PCDH11X: variants seen among roughly 807,000 people sequenced by gnomAD.
PCDH11X encodes protocadherin-11 X-linked.
In PCDH11X, 18 loss-of-function variants were observed where a neutral mutation model predicts 53.3. The ratio of observed to expected loss-of-function variants is 0.34; its 90% CI spans 0.23 to 0.50. The LOEUF (loss-of-function observed/expected upper bound fraction) is 0.50, where lower values mean the gene tolerates loss of function less well. Ranked by LOEUF, PCDH11X falls within the 20% of genes least tolerant of loss-of-function variation. The probability of loss-of-function intolerance (pLI) is 0.98; values close to 1 mark genes in which losing one functional copy is unlikely to be tolerated. For missense variants in PCDH11X, 570 were observed against 1,032.4 expected, an observed-to-expected ratio of 0.55 and a Z score of 6.14; for synonymous variants, 279 against 393.3, an observed-to-expected ratio of 0.71 and a Z score of 3.44.
At chrX:91,994,144 T>C (rs1251289146) in intron 6 of PCDH11X, among the ~76,000 whole-genome samples, 1 of 95,101 alleles carries the variant, frequency 1.1e-5, no homozygotes, top group Non-Finnish European at 2.1e-5. Flanking sequence ...GTGAAATGAT[T>C]ACCACAGTAA....
chrX:92,367,768 T>C lies in PCDH11X; in HGVS notation c.3145-19967T>C, dbSNP rs142188278. ...TTTCACTTTTGAAGCTTAGTTTGGC[T>C]GGATATGAAATTCTGCATTGAAAAT... On this transcript the variant is annotated intron_variant, in intron 8 of 10. Coordinates refer to ENST00000682573, the MANE Select transcript of PCDH11X (RefSeq NM_032968.5). 2.8e-3 allele frequency among the ~76,000 whole-genome samples: 315 copies of C among 111,895 alleles called. 6 individuals carry two copies. In the East Asian group the frequency reaches 0.054, roughly 19 times the overall value.
In PCDH11X at chrX:91,868,042, G is replaced by A. The variant is rs185566489; in HGVS notation, c.541-8739G>A. Among the ~76,000 whole-genome samples, 12 of 110,476 alleles carry A rather than the reference G, an allele frequency of 1.1e-4. No homozygotes were observed. The East Asian group carries it at 3.5e-3, about 32-fold the overall frequency. Reference sequence around the variant, plus strand: ...AAAAACCAGGTCACTGAGAAATCTGGGACTTTCATTCATATATGTGTCCAA... The same window carrying A: ...AAAAACCAGGTCACTGAGAAATCTGAGACTTTCATTCATATATGTGTCCAA... On this transcript the variant is annotated intron_variant, in intron 5 of 10. Coordinates refer to ENST00000682573, the MANE Select transcript of PCDH11X (RefSeq NM_032968.5).
At chrX:92,565,939 A>T (rs1921420764) in intron 10 of PCDH11X, among the ~76,000 whole-genome samples, 1 of 107,139 alleles carries the variant, frequency 9.3e-6, no homozygotes, top group South Asian at 4.2e-4. Flanking sequence ...TACAAAAATT[A>T]AAAATTTTGA....
chrX:92,456,160 G>A (rs2072904380), intron 9 of PCDH11X, among the ~76,000 whole-genome samples: 2 of 111,597 alleles, frequency 1.8e-5, no homozygotes, highest in African/African-American at 6.5e-5. Context: ...TTTTCATCAT[G>A]GGACATGATA....
At chrX:92,293,694 T>G (rs2068548002) in intron 8 of PCDH11X, among the ~76,000 whole-genome samples, 2 of 110,753 alleles carry the variant, frequency 1.8e-5, no homozygotes, top group Admixed American at 1.9e-4. Context: ...AAGCACATCT[T>G]TGTCTCTTCT....
chrX:92,074,778 A>C (rs1191619761), intron 6 of PCDH11X, among the ~76,000 whole-genome samples: 5 of 112,278 alleles, frequency 4.5e-5, no homozygotes, highest in Non-Finnish European at 9.4e-5. Context: ...ATGAGTAATG[A>C]ATCGTTTATT....
chrX:91,867,829 C>A (rs1207148625), intron 5 of PCDH11X, among the ~76,000 whole-genome samples: 1 of 111,608 alleles, frequency 9.0e-6, no homozygotes, highest in Non-Finnish European at 1.9e-5. Context: ...TAGTTAAAAT[C>A]CAGATTTATA....
intron 8 of PCDH11X, chrX:92,287,896 G>A (rs1207848389): frequency 2.2e-5 from 11 of 504,808 alleles, no homozygotes; most frequent in Admixed American, 5.4e-5. Context: ...TTGTTCTTAC[G>A]AGATCTGGTT....
At chrX:92,264,718 T>C (rs142616371) in intron 8 of PCDH11X, among the ~76,000 whole-genome samples, 6,538 of 110,229 alleles carry the variant, frequency 0.059, 416 homozygotes, top group African/African-American at 0.18. Context: ...AATAAGGACA[T>C]GTCTTTGTTT....
intron 7 of PCDH11X, among the ~76,000 whole-genome samples, chrX:92,236,315 G>T (rs1436122619): frequency 9.0e-6 from 1 of 111,199 alleles, no homozygotes; most frequent in Non-Finnish European, 1.9e-5. Flanking sequence ...TTTTTTTAAT[G>T]AAAAATAATT....
intron 6 of PCDH11X, among the ~76,000 whole-genome samples, chrX:92,112,532 C>T (rs751024847): frequency 9.1e-6 from 1 of 109,666 alleles, no homozygotes; most frequent in South Asian, 3.8e-4. Flanking sequence ...TTTCAATAGG[C>T]ATGTTCACTT....
At chrX:92,352,504 T>G (rs2070078561) in intron 8 of PCDH11X, among the ~76,000 whole-genome samples, 1 of 111,768 alleles carries the variant, frequency 8.9e-6, no homozygotes, top group African/African-American at 3.3e-5. Flanking sequence ...GGATTTCTTC[T>G]TAGTTTGGAT....
intron 8 of PCDH11X, among the ~76,000 whole-genome samples, chrX:92,366,063 G>T (rs1035925431): frequency 1.8e-5 from 2 of 109,715 alleles, no homozygotes; most frequent in African/African-American, 6.6e-5. Context: ...GAATGGTAGT[G>T]GTTCCTTTTT....
intron 1 of PCDH11X, among the ~76,000 whole-genome samples, chrX:91,805,967 A>G (rs991919223): frequency 9.0e-6 from 1 of 111,544 alleles, no homozygotes; most frequent in Non-Finnish European, 1.9e-5. Flanking sequence ...TTTTTCTTAA[A>G]TAATCTAGTA....
intron 6 of PCDH11X, among the ~76,000 whole-genome samples, chrX:92,010,644 G>A (rs2062673584): frequency 9.1e-6 from 1 of 110,420 alleles, no homozygotes; most frequent in Admixed American, 9.8e-5. Flanking sequence ...AATTCTATAA[G>A]ATGGATATGC....
At chrX:91,956,392 A>C (rs2061711627) in intron 6 of PCDH11X, among the ~76,000 whole-genome samples, 1 of 111,653 alleles carries the variant, frequency 9.0e-6, no homozygotes, top group African/African-American at 3.3e-5. Flanking sequence ...GGCTGGCAAT[A>C]GTTTTTCCTT....
intron 9 of PCDH11X, among the ~76,000 whole-genome samples, chrX:92,416,684 C>T (rs898591268): frequency 2.1e-4 from 23 of 110,440 alleles, no homozygotes; most frequent in South Asian, 3.8e-4. Flanking sequence ...GATCATTTCC[C>T]GTTCTATGCT....
chrX:92,053,196 T>C (rs747606440), intron 6 of PCDH11X, among the ~76,000 whole-genome samples: 2 of 111,389 alleles, frequency 1.8e-5, no homozygotes, highest in South Asian at 7.5e-4. Flanking sequence ...GTGTGCTTTA[T>C]TGCACTAGCA....
intron 5 of PCDH11X, among the ~76,000 whole-genome samples, chrX:91,860,213 A>T (rs1303011848): frequency 9.3e-6 from 1 of 108,085 alleles, no homozygotes; most frequent in Non-Finnish European, 1.9e-5. Flanking sequence ...TAGGTATTTG[A>T]TTCTCTTTGT....
Sources: allele counts gnomAD v4.1 joint callset (sites outside exome capture counted in the v4.1 genomes callset), GRCh38; gene constraint gnomAD v4.1.1; transcripts MANE v1.5; gene names NCBI Gene and HGNC (gene_info 2026-07-23, HGNC 2026-07-21).